Variants in GRM7 observed in about 807,000 individuals in gnomAD.
GRM7 encodes the protein metabotropic glutamate receptor 7.
Under a neutral mutation model 84.5 loss-of-function variants are expected in GRM7, and 35 were observed. The observed-to-expected ratio is 0.41, with a 90% confidence interval of 0.32 to 0.55. GRM7 has a LOEUF of 0.55. Among genes scored for constraint, GRM7 ranks in the 20% least tolerant of loss-of-function variants. The pLI is 0.19. For synonymous variants in GRM7, 487 were observed against 455.1 expected, an observed-to-expected ratio of 1.07 and a Z score of -0.89; for missense variants, 1,003 against 1,194.6, an observed-to-expected ratio of 0.84 and a Z score of 2.36.
At chr3:7,442,742 A>G (rs1394167012) in intron 5 of GRM7, among the ~76,000 whole-genome samples, 1 of 152,160 alleles carries the variant, frequency 6.6e-6, no homozygotes, top group Non-Finnish European at 1.5e-5. Context: ...CCCCTTAATT[A>G]GATACATGGG....
chr3:6,891,142 G>A (rs1368371771), intron 1 of GRM7, among the ~76,000 whole-genome samples: 2 of 152,014 alleles, frequency 1.3e-5, no homozygotes, highest in South Asian at 2.1e-4. Context: ...ACGTGAGATG[G>A]GTTTCCTGAA....
At chr3:6,957,228 T>C (rs1693094905) in intron 1 of GRM7, among the ~76,000 whole-genome samples, 1 of 152,198 alleles carries the variant, frequency 6.6e-6, no homozygotes, top group South Asian at 2.1e-4. Flanking sequence ...TGTTTCCATT[T>C]AGTTAAAATT....
At chr3:7,487,900 AG>A (rs1699382850) in intron 7 of GRM7, among the ~76,000 whole-genome samples, 1 of 152,150 alleles carries the variant, frequency 6.6e-6, no homozygotes, top group African/African-American at 2.4e-5. Flanking sequence ...CACAGGCTCT[AG>A]TGTACAACCC....
At chr3:6,889,975 C>A (rs574979996) in intron 1 of GRM7, among the ~76,000 whole-genome samples, 1 of 152,108 alleles carries the variant, frequency 6.6e-6, no homozygotes, top group African/African-American at 2.4e-5. Context: ...GTGTACGTGT[C>A]GAGGAATTTA....
chr3:7,636,234 C>A (rs1396529644), intron 8 of GRM7: 1 of 456,680 alleles, frequency 2.2e-6, no homozygotes, highest in Admixed American at 2.3e-5. Flanking sequence ...GTAATGTCTT[C>A]TCTTACCCCA....
chr3:6,962,395 G>GT (rs1693336148), intron 1 of GRM7, among the ~76,000 whole-genome samples: 1 of 151,988 alleles, frequency 6.6e-6, no homozygotes, highest in Non-Finnish European at 1.5e-5. Flanking sequence ...GCAAAGTGAA[G>GT]AAAGCTAAGC....
chr3:7,253,993 G>A (rs952074518), intron 2 of GRM7, among the ~76,000 whole-genome samples: 11 of 152,160 alleles, frequency 7.2e-5, no homozygotes, highest in Non-Finnish European at 1.6e-4. Flanking sequence ...CCACGTGGAT[G>A]GCTTCACAGC....
intron 2 of GRM7, among the ~76,000 whole-genome samples, chr3:7,185,392 C>G (rs1695481651): frequency 6.6e-6 from 1 of 152,088 alleles, no homozygotes; most frequent in Middle Eastern, 3.2e-3. Context: ...CTCCTATTGG[C>G]TGATTACAAA....
chr3:7,389,131 T>C (rs943087072), intron 4 of GRM7, among the ~76,000 whole-genome samples: 1 of 152,148 alleles, frequency 6.6e-6, no homozygotes, highest in African/African-American at 2.4e-5. Flanking sequence ...TTTCCTTGTT[T>C]ACCCATAAGT....
At chr3:7,410,596 T>TACAC (rs767671354) in intron 4 of GRM7, among the ~76,000 whole-genome samples, 1,133 of 68,738 alleles carry the variant, frequency 0.016, 7 homozygotes, top group Non-Finnish European at 0.021. Flanking sequence ...TATATATATA[T>TACAC]ATACACACAC....
At chr3:6,987,581 C>G (rs1439340782) in intron 1 of GRM7, among the ~76,000 whole-genome samples, 1 of 152,104 alleles carries the variant, frequency 6.6e-6, no homozygotes, top group East Asian at 1.9e-4. Flanking sequence ...CGTGAGCATT[C>G]AAGGAGCAGA....
chr3:7,107,024 C>G (rs1692676636), intron 1 of GRM7, among the ~76,000 whole-genome samples: 1 of 151,878 alleles, frequency 6.6e-6, no homozygotes, highest in Non-Finnish European at 1.5e-5. Flanking sequence ...AAAAAGATAC[C>G]TTTTTAAACT....
intron 1 of GRM7, among the ~76,000 whole-genome samples, chr3:7,064,070 A>G (rs894505475): frequency 2.6e-5 from 4 of 151,480 alleles, no homozygotes; most frequent in African/African-American, 9.7e-5. Flanking sequence ...ATTTTACTTT[A>G]TAATTTATTT....
At chr3:7,548,624 C>T (rs1056990700) in intron 7 of GRM7, among the ~76,000 whole-genome samples, 1 of 152,178 alleles carries the variant, frequency 6.6e-6, no homozygotes, top group Non-Finnish European at 1.5e-5. Context: ...GGAAGCAGAG[C>T]CATCTGTTAC....
intron 1 of GRM7, among the ~76,000 whole-genome samples, chr3:7,028,118 T>G (rs1308138133): frequency 6.6e-6 from 1 of 152,174 alleles, no homozygotes; most frequent in African/African-American, 2.4e-5. Context: ...GCAGGAACAT[T>G]GTCTTTTTCA....
intron 2 of GRM7, among the ~76,000 whole-genome samples, chr3:7,224,464 G>C (rs551979808): frequency 2.6e-5 from 4 of 152,260 alleles, no homozygotes; most frequent in Non-Finnish European, 5.9e-5. Context: ...AGATTTGGGT[G>C]GGGACACAGG....
At chr3:7,012,278 C>T (rs1052894032) in intron 1 of GRM7, among the ~76,000 whole-genome samples, 1 of 152,202 alleles carries the variant, frequency 6.6e-6, no homozygotes, top group Non-Finnish European at 1.5e-5. Context: ...TGGCTCTCAG[C>T]TCCACATCCT....
At chr3:7,181,774 AT>A (rs1306480622) in intron 2 of GRM7, among the ~76,000 whole-genome samples, 2 of 151,688 alleles carry the variant, frequency 1.3e-5, no homozygotes, top group Non-Finnish European at 2.9e-5. Flanking sequence ...ACACCCAGTT[AT>A]TTTTATTTTT....
intron 8 of GRM7, among the ~76,000 whole-genome samples, chr3:7,649,056 A>G (rs1343456097): frequency 6.6e-6 from 1 of 151,920 alleles, no homozygotes; most frequent in East Asian, 1.9e-4. Context: ...TGACAGCCTC[A>G]GATGAAATTC....
Sources: allele counts gnomAD v4.1 joint callset (sites outside exome capture counted in the v4.1 genomes callset), GRCh38; gene constraint gnomAD v4.1.1; transcripts MANE v1.5; gene names NCBI Gene and HGNC (gene_info 2026-07-23, HGNC 2026-07-21).